The following LRP4 variants were observed in gnomAD, a reference collection of about 807,000 sequenced individuals.
LRP4 encodes LDL receptor related protein 4, also known as low-density lipoprotein receptor-related protein 4.
A neutral mutation model predicts 220.3 loss-of-function variants in LRP4; 95 were observed. The observed-to-expected ratio is 0.43, with a 90% confidence interval of 0.37 to 0.51. The LOEUF is 0.51. Ranked by LOEUF, LRP4 falls within the 20% of genes least tolerant of loss-of-function variation. LRP4 has a pLI of 0.00. For synonymous variants in LRP4, 903 were observed against 954.6 expected, an observed-to-expected ratio of 0.95 and a Z score of 1.00; for missense variants, 1,925 against 2,567.0, an observed-to-expected ratio of 0.75 and a Z score of 5.40.
intron 31 of LRP4, 123 bp from the exon 32 acceptor site, chr11:46,869,255 T>A: frequency 1.1e-6 from 1 of 905,502 alleles, no homozygotes. Flanking sequence ...CATCTCTTCC[T>A]CATTTCTGTG....
intron 34 of LRP4, among the ~76,000 whole-genome samples, chr11:46,866,706 C>T (rs1310647613): frequency 6.6e-6 from 1 of 152,040 alleles, no homozygotes; most frequent in East Asian, 1.9e-4. Context: ...ATCACTTGAG[C>T]CCAGAAGTTT....
intron 7 of LRP4, among the ~76,000 whole-genome samples, chr11:46,897,589 G>T (rs57558191): frequency 0.15 from 19,854 of 136,878 alleles, 2,004 homozygotes; most frequent in African/African-American, 0.31. Flanking sequence ...ACGAGCATGC[G>T]GCCTTCAAGC....
chr11:46,876,861 C>T (rs753354512), intron 23 of LRP4, 31 bp from the exon 24 acceptor site: 1 of 1,527,376 alleles, frequency 6.5e-7, no homozygotes, highest in Non-Finnish European at 9.1e-7. Context: ...TCAACCTAGA[C>T]CCTCACCGCC....
chr11:46,911,625 C>T (rs1186947257), intron 1 of LRP4, among the ~76,000 whole-genome samples: 2 of 147,474 alleles, frequency 1.4e-5, no homozygotes, highest in African/African-American at 2.5e-5. Flanking sequence ...AAAATAAAGT[C>T]TCTCTCCCTC....
At chr11:46,901,738 G>GTT (rs111309615) in intron 2 of LRP4, among the ~76,000 whole-genome samples, 2 of 145,682 alleles carry the variant, frequency 1.4e-5, no homozygotes, top group Non-Finnish European at 1.5e-5. Context: ...GAAAATATAA[G>GTT]TTTTTTTTTT....
At chr11:46,904,874 C>T (rs1452662752) in intron 1 of LRP4, among the ~76,000 whole-genome samples, 1 of 145,892 alleles carries the variant, frequency 6.9e-6, no homozygotes, top group Admixed American at 7.2e-5. Flanking sequence ...TACTTGGGAG[C>T]ATGATGTGGG....
intron 34 of LRP4, among the ~76,000 whole-genome samples, chr11:46,867,074 T>G (rs1035023069): frequency 3.3e-5 from 5 of 152,252 alleles, no homozygotes; most frequent in African/African-American, 1.2e-4. Flanking sequence ...TCACATTTGC[T>G]GTTGGTTATC....
chr11:46,899,747 C>T lies in LRP4; in HGVS notation c.430+116G>A. The T allele has an allele frequency of 2.1e-6, 2 of 940,470 alleles. No individual in the cohort carries two copies. Among genetic ancestry groups the T allele is most frequent in the African/African-American group, 1.6e-5 (1 of 62,450 alleles). The allele number at this position is 940,470 out of a possible 1,614,324, so 58.3% of individuals were successfully genotyped here. On this transcript the variant is annotated intron_variant, in intron 4 of 37. Transcript: ENST00000378623. This position sits in a 1 kb window ranked among gnomAD's most constrained non-coding sequence, Gnocchi z 5.9. ...CCCCCTCTGCGTTCCTCTAGCTGCT[C>T]CAGATATCTGGGCAGTTGGAGGTTT...
intron 9 of LRP4, 59 bp downstream of exon 9, chr11:46,896,151 C>A: frequency 1.2e-6 from 2 of 1,611,182 alleles, no homozygotes; most frequent in East Asian, 2.2e-5. Flanking sequence ...CCCTTTGAAC[C>A]CTATGGGTGG....
intron 1 of LRP4, among the ~76,000 whole-genome samples, chr11:46,910,669 A>T (rs941264745): frequency 1.7e-4 from 13 of 74,806 alleles, no homozygotes; most frequent in Non-Finnish European, 2.7e-4. Context: ...GGTATCCTTT[A>T]TCCTTGCCCC....
chr11:46,908,250 AC>A, intron 1 of LRP4, among the ~76,000 whole-genome samples: 1 of 152,104 alleles, frequency 6.6e-6, no homozygotes. Flanking sequence ...TTAAATACTT[AC>A]CAGGTGCCCT....
chr11:46,887,940 A>G (rs894602433), intron 16 of LRP4, among the ~76,000 whole-genome samples: 1 of 143,890 alleles, frequency 6.9e-6, no homozygotes, highest in African/African-American at 2.6e-5. Context: ...GCTTAAGCCC[A>G]GGAAGTCGAA....
chr11:46,918,047 G>A lies in LRP4; in HGVS notation c.52+281C>T, dbSNP rs937550769. Among the ~76,000 whole-genome samples, 1 of 152,200 alleles carries A rather than the reference G, an allele frequency of 6.6e-6. No individual in the cohort carries two copies. The highest frequency in any genetic ancestry group is 1.5e-5 in the Non-Finnish European group (1 of 68,028). ...CCCCCGCTCTTGAAAGAGCAGCGAG[G>A]GAGGGCGAGCGAACGAACGCCCCGG... On this transcript the variant is annotated intron_variant, in intron 1 of 37. Transcript: ENST00000378623. The surrounding 1 kb of genome is among the most constrained non-coding windows in gnomAD (Gnocchi z 6.0).
In LRP4 at chr11:46,875,772, C is replaced by T. The variant is rs1230015463; in HGVS notation, c.3699+32G>A. ...GGCAGGCCTTTCCCATCTTCCCAGG[C>T]TCCTGGGAAGCAGCAGGGACACGGC... On this transcript the variant is annotated intron_variant, in intron 26 of 37. Transcript: ENST00000378623. This position sits in a 1 kb window ranked among gnomAD's most constrained non-coding sequence, Gnocchi z 4.5. 2 of 1,613,526 alleles carry T rather than the reference C, an allele frequency of 1.2e-6. No homozygotes were observed. The highest frequency in any genetic ancestry group is 8.5e-7 in the Non-Finnish European group (1 of 1,179,530).
chr11:46,903,452 C>A (rs114635339), intron 1 of LRP4, among the ~76,000 whole-genome samples: 1 of 152,002 alleles, frequency 6.6e-6, no homozygotes, highest in Non-Finnish European at 1.5e-5. Flanking sequence ...TATGATCACA[C>A]CACTGCACTC....
chr11:46,868,073 T>C lies in LRP4; in HGVS notation c.4993A>G (p.Ser1665Gly). 1.2e-6 allele frequency: 2 copies of C among 1,614,102 alleles called. No homozygotes were observed. The highest frequency in any genetic ancestry group is 1.7e-6 in the Non-Finnish European group (2 of 1,180,018). ...TTGGGTAGCACTGGGCTCTTTTCAC[T>C]CATGCCAGTAGCCCTAGGAGCTGGT... The part of the protein sequence containing the change: ...VPPAPRATGM[S>G]EKSPVLPNTP... The change falls in exon 34 of 38, where the codon AGT (serine) becomes GGT (glycine). Residue 1665 changes from serine (S) to glycine (G), a missense_variant. Ser to Gly is a moderately conservative substitution (Grantham distance 56). Transcript: ENST00000378623.
At chr11:46,864,568 C>T (rs1211006668) in intron 35 of LRP4, 33 bp from the exon 36 acceptor site, 2 of 1,430,570 alleles carry the variant, frequency 1.4e-6, no homozygotes, top group Admixed American at 1.7e-5. Flanking sequence ...AGGCAGGGGC[C>T]ACCGACAACT....
intron 22 of LRP4, among the ~76,000 whole-genome samples, chr11:46,877,895 C>T (rs1334377587): frequency 6.6e-6 from 1 of 152,048 alleles, no homozygotes; most frequent in African/African-American, 2.4e-5. Flanking sequence ...AATAATGCCT[C>T]TTTATTAATA....
intron 28 of LRP4, chr11:46,874,440 G>A (rs1378729431): frequency 2.0e-5 from 4 of 204,766 alleles, no homozygotes; most frequent in Non-Finnish European, 3.0e-5. Context: ...ATTTGATTGG[G>A]GCTCCTTTAC....
Sources: gnomAD v4.1 joint callset for allele counts (sites outside exome capture counted in the v4.1 genomes callset) on GRCh38, gnomAD v4.1.1 for gene constraint, Gnocchi (gnomAD v3.1) non-coding constraint, MANE v1.5 for transcripts, NCBI Gene and HGNC (gene_info 2026-07-23, HGNC 2026-07-21) for gene names.